Variants in ADAM7 observed in about 807,000 individuals in gnomAD.
ADAM7 encodes disintegrin and metalloproteinase domain-containing protein 7.
ADAM7 carries 97 observed loss-of-function variants against 102.9 expected under a neutral mutation model. The observed-to-expected ratio is 0.94, with a 90% confidence interval of 0.80 to 1.12. The LOEUF (loss-of-function observed/expected upper bound fraction) is 1.12. Ranked by LOEUF, ADAM7 falls within the 50% of genes most tolerant of loss-of-function variation. The pLI is 0.00. For synonymous variants in ADAM7, 334 were observed against 304.4 expected, an observed-to-expected ratio of 1.10 and a Z score of -1.01; for missense variants, 991 against 908.7, an observed-to-expected ratio of 1.09 and a Z score of -1.16.
intron 3 of ADAM7, among the ~76,000 whole-genome samples, chr8:24,456,312 A>G (rs1402988074): frequency 1.3e-5 from 2 of 152,084 alleles, no homozygotes; most frequent in East Asian, 3.9e-4. Flanking sequence ...ATTTTCCTCT[A>G]TTTTAAGGCC....
At chr8:24,482,808 T>A (rs1295437912) in intron 9 of ADAM7, among the ~76,000 whole-genome samples, 1 of 152,156 alleles carries the variant, frequency 6.6e-6, no homozygotes, top group African/African-American at 2.4e-5. Context: ...CTTTCTAATA[T>A]TAATACTAGA....
intron 11 of ADAM7, among the ~76,000 whole-genome samples, chr8:24,488,860 T>C (rs1341590221): frequency 6.6e-6 from 1 of 152,112 alleles, no homozygotes; most frequent in East Asian, 1.9e-4. Context: ...ACATAGGTTA[T>C]TTCAAGAGGA....
At position 24,468,739 on chromosome 8, in the gene ADAM7, T is replaced by C. The variant is rs982153865; in HGVS notation, c.580-28T>C. 4 of 1,605,934 alleles carry C rather than the reference T, an allele frequency of 2.5e-6. No homozygotes were observed. In the South Asian group the frequency reaches 4.4e-5, roughly 18 times the overall value. ...TTAAGATAGAAAGTGTTAACTATACTTCAACTGAATTTTCCCTAACTTTAC... is the reference window on the plus strand; with the variant it reads ...TTAAGATAGAAAGTGTTAACTATACCTCAACTGAATTTTCCCTAACTTTAC... On this transcript the variant is annotated intron_variant, in intron 6 of 21. Transcript: ENST00000175238.
In ADAM7 at chr8:24,509,359, G is replaced by A. The variant is rs892658191; in HGVS notation, c.*813G>A. On this transcript the variant is annotated 3_prime_UTR_variant, in exon 22 of 22. Transcript: ENST00000175238. ...CCCTCTCCCTATCCGTTTGTTATGGGATGGGGGATTACCCTGGGAATGATT... is the reference window on the plus strand; with the variant it reads ...CCCTCTCCCTATCCGTTTGTTATGGAATGGGGGATTACCCTGGGAATGATT... The A allele has an allele frequency of 9.1e-6, 9 of 985,278 alleles. No individual in the cohort carries two copies. The highest frequency in any genetic ancestry group is 1.7e-5 in the African/African-American group (1 of 57,232). The allele number at this position is 985,278 out of a possible 1,614,324, so 61.0% of individuals were successfully genotyped here.
intron 7 of ADAM7, among the ~76,000 whole-genome samples, chr8:24,473,774 C>T (rs533973078): frequency 6.8e-4 from 104 of 152,090 alleles, no homozygotes; most frequent in African/African-American, 2.2e-3. Flanking sequence ...AAGATATATC[C>T]ATAAAAATTT....
intron 16 of ADAM7, among the ~76,000 whole-genome samples, chr8:24,498,995 T>C (rs1017189550): frequency 2.6e-5 from 4 of 152,058 alleles, no homozygotes; most frequent in Admixed American, 2.6e-4. Context: ...TTTAAAATAT[T>C]TCTTTGCATG....
Position 24,509,249 on chromosome 8 carries a change from A to G in ADAM7, c.*703A>G. ...TTTCAGAAAATTTACTCCAAGTGAG[A>G]GGACATACTCACAACTCCTATGAAG... On this transcript the variant is annotated 3_prime_UTR_variant, in exon 22 of 22. Transcript: ENST00000175238. 1.0e-6 allele frequency: 1 copy of G among 985,462 alleles called. No homozygotes were observed. 61.0% of individuals were successfully genotyped at this position (985,462 alleles called of 1,614,324 possible).
At chr8:24,442,024 A>C (rs1447105866) in intron 1 of ADAM7, among the ~76,000 whole-genome samples, 1 of 152,072 alleles carries the variant, frequency 6.6e-6, no homozygotes, top group Admixed American at 6.5e-5. Flanking sequence ...AAATACAAAA[A>C]TTAGCCAGGC....
intron 16 of ADAM7, among the ~76,000 whole-genome samples, chr8:24,494,239 A>G (rs1175568012): frequency 6.6e-6 from 1 of 152,206 alleles, no homozygotes; most frequent in African/African-American, 2.4e-5. Context: ...AGCGACTTAC[A>G]TTTTGAGTCT....
chr8:24,464,027 C>T, intron 4 of ADAM7, 67 bp downstream of exon 4: 1 of 1,373,410 alleles, frequency 7.3e-7, no homozygotes, highest in Non-Finnish European at 1.0e-6. Context: ...TTTTGAAACC[C>T]TGTTCTAGCT....
intron 8 of ADAM7, among the ~76,000 whole-genome samples, chr8:24,479,201 T>TGG (rs1819867459): frequency 6.6e-6 from 1 of 152,104 alleles, no homozygotes; most frequent in Non-Finnish European, 1.5e-5. Context: ...GTCCAGAGCA[T>TGG]GTTCTATCAT....
intron 3 of ADAM7, among the ~76,000 whole-genome samples, chr8:24,448,221 C>T (rs1237157593): frequency 1.3e-5 from 2 of 152,088 alleles, no homozygotes; most frequent in Non-Finnish European, 1.5e-5. Context: ...ATTATAGGTA[C>T]AATGAAAAGA....
chr8:24,447,597 A>T (rs1453872064), intron 3 of ADAM7, among the ~76,000 whole-genome samples: 5 of 152,236 alleles, frequency 3.3e-5, no homozygotes, highest in Admixed American at 2.0e-4. Context: ...ATGGTTTTTA[A>T]AATGACTTCT....
chr8:24,478,344 G>A (rs190572957), intron 8 of ADAM7, among the ~76,000 whole-genome samples: 2 of 151,994 alleles, frequency 1.3e-5, no homozygotes, highest in African/African-American at 4.8e-5. Context: ...TTCTTCTTTG[G>A]GCCAGCAGGA....
intron 12 of ADAM7, 110 bp downstream of exon 12, chr8:24,489,443 T>A (rs774095732): frequency 7.3e-6 from 8 of 1,094,134 alleles, no homozygotes; most frequent in Non-Finnish European, 9.9e-6. Context: ...GTAAAACTTT[T>A]AAAAATTTTG....
intron 5 of ADAM7, 124 bp downstream of exon 5, chr8:24,465,899 G>A (rs1330087935): frequency 1.4e-5 from 9 of 627,360 alleles, no homozygotes; most frequent in Non-Finnish European, 2.3e-5. Context: ...AAAAGCTGCT[G>A]TGCATTTTTA....
At chr8:24,442,361 C>A in intron 1 of ADAM7, 112 bp from the exon 2 acceptor site, 2 of 773,466 alleles carry the variant, frequency 2.6e-6, no homozygotes, top group Non-Finnish European at 2.4e-6. Context: ...GTGTTGCTGT[C>A]CATGGCTGCT....
At chr8:24,488,777 AT>A in intron 11 of ADAM7, among the ~76,000 whole-genome samples, 1 of 152,046 alleles carries the variant, frequency 6.6e-6, no homozygotes. Context: ...ACTAATGTTT[AT>A]TTTTTTAAAA....
At chr8:24,502,272 A>G (rs903556601) in intron 20 of ADAM7, among the ~76,000 whole-genome samples, 2 of 152,120 alleles carry the variant, frequency 1.3e-5, no homozygotes, top group African/African-American at 4.8e-5. Context: ...TAGTAAAATC[A>G]GTAGAGGAAA....
Sources: allele counts gnomAD v4.1 joint callset (sites outside exome capture counted in the v4.1 genomes callset), GRCh38; gene constraint gnomAD v4.1.1; transcripts MANE v1.5; gene names NCBI Gene and HGNC (gene_info 2026-07-23, HGNC 2026-07-21).